PINK1: variants seen among roughly 807,000 people sequenced by gnomAD.
PINK1 encodes PTEN induced kinase 1.
In PINK1, 58 loss-of-function variants were observed where a neutral mutation model predicts 56.0. The ratio of observed to expected loss-of-function variants is 1.04; its 90% CI spans 0.84 to 1.29. PINK1 has a LOEUF of 1.29. PINK1 is among the 50% of genes most tolerant of loss of function. The pLI is 0.00. For synonymous variants in PINK1, 354 were observed against 339.3 expected (o/e 1.04, Z -0.48); for missense variants, 745 against 777.9 (o/e 0.96, Z 0.50).
In PINK1 at chr1:20,633,636, G is replaced by C. The variant is rs569753606; in HGVS notation, c.88G>C (p.Gly30Arg). Reference sequence around the variant, plus strand: ...CACGGGCAAGCCCGGCCGGGCCTACGGCTTGGGGCGGCCGGGCCCGGCGGC... The same window carrying C: ...CACGGGCAAGCCCGGCCGGGCCTACCGCTTGGGGCGGCCGGGCCCGGCGGC... ...RFTGKPGRAY[G>R]LGRPGPAAGC... is the part of the protein sequence containing the mutation. The change falls in exon 1 of 8, where the codon GGC becomes CGC. Residue 30 changes from glycine (G) to arginine (R), a missense_variant. Physicochemically the swap from Gly to Arg is moderately radical, Grantham distance 125 (BLOSUM62 -2). Transcript: ENST00000321556. 819 of 1,318,816 alleles carry C rather than the reference G, an allele frequency of 6.2e-4. 1 individual carries two copies. The African/African-American group carries it at 0.011, about 18-fold the overall frequency. 81.7% of individuals were successfully genotyped at this position (1,318,816 alleles called of 1,614,324 possible).
In PINK1 at chr1:20,637,839, C is replaced by A. The variant is rs371971165; in HGVS notation, c.388-3C>A. 9.3e-6 allele frequency: 15 copies of A among 1,613,816 alleles called. No homozygotes were observed. The African/African-American group carries it at 1.9e-4, about 20-fold the overall frequency. ...CTCACGGTGCATTCTTTTCTCATCA[C>A]AGGCAATTTTTACCCAGAAAAGCAA... On this transcript the variant is annotated splice_polypyrimidine_tract_variant and splice_region_variant and intron_variant, in intron 1 of 7. Coordinates refer to ENST00000321556, the MANE Select transcript of PINK1 (RefSeq NM_032409.3).
Position 20,644,646 on chromosome 1 carries a change from C to T in PINK1, c.933C>T (p.Gly311=), listed in dbSNP as rs1052357378. Residue 311 remains glycine (G), a synonymous_variant, in exon 4 of 8, where the codon GGC becomes GGT. Transcript: ENST00000321556. ...SRLHPEGLGH[G]RTLFLVMKNY... ...TCCACCCTGAAGGCCTGGGCCATGG[C>T]CGGACGCTGTTCCTCGTTATGAAGA... 3.7e-6 allele frequency: 6 copies of T among 1,614,092 alleles called. No individual in the cohort carries two copies. Among genetic ancestry groups the T allele is most frequent in the Admixed American group, 1.7e-5 (1 of 60,012 alleles).
Position 20,638,080 on chromosome 1 carries a change from C to T in PINK1, c.626C>T (p.Pro209Leu), listed in dbSNP as rs34677717. The change falls in exon 2 of 8, where the codon CCG (proline) becomes CTG (leucine). Residue 209 changes from proline (P) to leucine (L), a missense_variant. By Grantham distance (98) the Pro-to-Leu change is moderately conservative (BLOSUM62 -3). Coordinates refer to ENST00000321556, the MANE Select transcript of PINK1 (RefSeq NM_032409.3). ...CCAGGAGAAGGGCAGGAGCGAGCTC[C>T]GGGGGCCCCTGCCTTCCCCTTGGCC... is the stretch of plus-strand genomic sequence containing the variant. ...SAPGEGQERA[P>L]GAPAFPLAIK... The T allele has an allele frequency of 1.5e-4, 237 of 1,613,896 alleles. No homozygotes were observed. The highest frequency in any genetic ancestry group is 2.7e-4 in the African/African-American group (20 of 75,008).
chr1:20,640,606 T>C (rs2154533725), intron 3 of PINK1, among the ~76,000 whole-genome samples: 1 of 151,844 alleles, frequency 6.6e-6, no homozygotes, highest in Admixed American at 6.6e-5. Flanking sequence ...GGCAGAGGAG[T>C]AGGGAAGTGG....
intron 3 of PINK1, among the ~76,000 whole-genome samples, chr1:20,643,823 G>A (rs2053142787): frequency 6.6e-6 from 1 of 152,128 alleles, no homozygotes; most frequent in Non-Finnish European, 1.5e-5. Flanking sequence ...GAGAAGATAA[G>A]GACAGAGGGG....
In PINK1 at chr1:20,633,499, C is replaced by CGGTGGT; in HGVS notation, c.-47_-42dup. 2 of 1,107,096 alleles carry CGGTGGT rather than the reference C, an allele frequency of 1.8e-6. No individual in the cohort carries two copies. The highest frequency in any genetic ancestry group is 2.2e-6 in the Non-Finnish European group (2 of 908,768). 68.6% of individuals were successfully genotyped at this position (1,107,096 alleles called of 1,614,324 possible). On this transcript the variant is annotated 5_prime_UTR_variant, in exon 1 of 8. Transcript: ENST00000321556. ...GTTTGTTGTGACCGGCGGGGGACGC[C>CGGTGGT]GGTGGTGGCGGCAGCGGCGGCTGCG...
At chr1:20,633,991 GTCCTCAGCTGGGT>G in intron 1 of PINK1, 56 bp downstream of exon 1, 1 of 1,519,818 alleles carries the variant, frequency 6.6e-7, no homozygotes. Flanking sequence ...GCGGGGGCGG[GTCCTCAGCTGGGT>G]GGGGGCGGGG....
chr1:20,650,813 G>C lies in PINK1; in HGVS notation c.*122G>C. 1 of 1,353,072 alleles carries C rather than the reference G, an allele frequency of 7.4e-7. No homozygotes were observed. Among genetic ancestry groups the C allele is most frequent in the Non-Finnish European group, 1.0e-6 (1 of 981,750 alleles). 83.8% of individuals were successfully genotyped at this position (1,353,072 alleles called of 1,614,324 possible). On this transcript the variant is annotated 3_prime_UTR_variant, in exon 8 of 8. Transcript: ENST00000321556. ...CAGCGCAGAGAGGGCTGGTTAGCCG[G>C]AAAAGGCCTCGGGCTTGGCAAATGG...
chr1:20,645,411 C>T, intron 4 of PINK1, 149 bp from the exon 5 acceptor site: 1 of 905,284 alleles, frequency 1.1e-6, no homozygotes, highest in South Asian at 1.5e-5. Flanking sequence ...ATTGCTTGAA[C>T]CTGGAAGGTG....
intron 4 of PINK1, 35 bp downstream of exon 4, chr1:20,644,707 A>T (rs758997850): frequency 1.4e-4 from 230 of 1,610,656 alleles, no homozygotes; most frequent in Non-Finnish European, 1.9e-4. Flanking sequence ...CCTGGAGCTG[A>T]TACATCTCCC....
chr1:20,649,074 A>G lies in PINK1; in HGVS notation c.1331A>G (p.Tyr444Cys), dbSNP rs143659957. The G allele has an allele frequency of 9.3e-6, 15 of 1,614,112 alleles. No individual in the cohort carries two copies. The highest frequency in any genetic ancestry group is 4.0e-5 in the African/African-American group (3 of 74,946). Residue 444 changes from tyrosine to cysteine, a missense_variant, in exon 7 of 8, where the codon TAT becomes TGT. Coordinates refer to ENST00000321556, the MANE Select transcript of PINK1 (RefSeq NM_032409.3). Reference sequence around the variant, plus strand: ...GCCTGGGCAGTGGGAGCCATCGCCTATGAAATCTTCGGGCTTGTCAATCCC... The same window carrying G: ...GCCTGGGCAGTGGGAGCCATCGCCTGTGAAATCTTCGGGCTTGTCAATCCC... ...ADAWAVGAIAYEIFGLVNPFY... is the reference protein window; with the variant it reads ...ADAWAVGAIACEIFGLVNPFY...
chr1:20,645,531 A>G, intron 4 of PINK1, 29 bp from the exon 5 acceptor site: 1 of 1,603,384 alleles, frequency 6.2e-7, no homozygotes, highest in Non-Finnish European at 8.5e-7. Context: ...GATGTGTGGT[A>G]GCCAGAGGCC....
chr1:20,648,677 C>A (rs1557566601), intron 6 of PINK1, 45 bp downstream of exon 6: 21 of 1,609,282 alleles, frequency 1.3e-5, no homozygotes, highest in Non-Finnish European at 1.8e-5. Context: ...CCTTCCCCCA[C>A]ATGTCCACTG....
intron 5 of PINK1, among the ~76,000 whole-genome samples, chr1:20,647,911 C>A (rs1360462948): frequency 6.6e-6 from 1 of 152,054 alleles, no homozygotes; most frequent in Admixed American, 6.6e-5. Context: ...CTCCCAGGTT[C>A]AAGTAATTCT....
Position 20,633,531 on chromosome 1 carries a change from C to T in PINK1, c.-18C>T, listed in dbSNP as rs2053012635. ...GGCGGCAGCGGCGGCTGCGGGGGCA[C>T]CGGGCCGCGGCGCCACCATGGCGGT... On this transcript the variant is annotated 5_prime_UTR_variant, in exon 1 of 8. Transcript: ENST00000321556. 2 of 1,146,566 alleles carry T rather than the reference C, an allele frequency of 1.7e-6. No individual in the cohort carries two copies. Among genetic ancestry groups the T allele is most frequent in the Non-Finnish European group, 1.1e-6 (1 of 933,860 alleles). 71.0% of individuals were successfully genotyped at this position (1,146,566 alleles called of 1,614,324 possible).
Position 20,649,224 on chromosome 1 carries a change from C to A in PINK1, c.1481C>A (p.Ala494Asp). Residue 494 changes from alanine to aspartate, a missense_variant, in exon 7 of 8, where the codon GCC becomes GAC. Transcript: ENST00000321556. ...GTGAGGGCACTGCTCCAGCGAGAGG[C>A]CAGCAAGGTGAGGCTGTCCCCGGCT... is the stretch of plus-strand genomic sequence containing the variant. ...QLVRALLQRE[A>D]SKRPSARVAA... is the part of the protein sequence containing the mutation. 2 of 1,614,002 alleles carry A rather than the reference C, an allele frequency of 1.2e-6. No individual in the cohort carries two copies. The highest frequency in any genetic ancestry group is 8.5e-7 in the Non-Finnish European group (1 of 1,179,918).
rs1412269225 is a variant in PINK1 at position 20,641,407 on chromosome 1, A to ATAGTC, written c.776+1415_776+1416insTAGTC. Among the ~76,000 whole-genome samples the ATAGTC allele has an allele frequency of 6.6e-6, 1 of 151,488 alleles. No individual in the cohort carries two copies. Among genetic ancestry groups the ATAGTC allele is most frequent in the Non-Finnish European group, 1.5e-5 (1 of 67,854 alleles). ...GAGCACCATGATGTCTGCTGCTGAG[A>ATAGTC]CCTCCCATCTGACATAGTCCCTGTC... On this transcript the variant is annotated intron_variant, in intron 3 of 7. Coordinates refer to ENST00000321556, the MANE Select transcript of PINK1 (RefSeq NM_032409.3). This position sits in a 1 kb window ranked among gnomAD's most constrained non-coding sequence, Gnocchi z 4.0.
At chr1:20,639,808 G>C in intron 2 of PINK1, 84 bp from the exon 3 acceptor site, 1 of 1,275,854 alleles carries the variant, frequency 7.8e-7, no homozygotes, top group South Asian at 1.3e-5. Context: ...TAGCTGCCCT[G>C]CTCCAGGTTA....
Position 20,644,520 on chromosome 1 carries a change from C to A in PINK1, c.807C>A (p.Ala269=). 1 of 1,614,178 alleles carries A rather than the reference C, an allele frequency of 6.2e-7. No individual in the cohort carries two copies. Among genetic ancestry groups the A allele is most frequent in the Non-Finnish European group, 8.5e-7 (1 of 1,180,024 alleles). ...CCAAGAGAGGTCCCAAGCAACTAGC[C>A]CCTCACCCCAACATCATCCGGGTTC... The part of the protein sequence containing the change: ...RKSKRGPKQL[A]PHPNIIRVLR... The change falls in exon 4 of 8, where the codon GCC becomes GCA. Residue 269 remains alanine (A), a synonymous_variant. Coordinates refer to ENST00000321556, the MANE Select transcript of PINK1 (RefSeq NM_032409.3).
Sources: gnomAD v4.1 joint callset for allele counts (sites outside exome capture counted in the v4.1 genomes callset) on GRCh38, gnomAD v4.1.1 for gene constraint, Gnocchi (gnomAD v3.1) non-coding constraint, MANE v1.5 for transcripts, NCBI Gene and HGNC (gene_info 2026-07-23, HGNC 2026-07-21) for gene names.